SMYD1: variants seen among roughly 807,000 people sequenced by gnomAD.
SMYD1 encodes histone-lysine N-methyltransferase SMYD1.
Under a neutral mutation model 54.0 loss-of-function variants are expected in SMYD1, and 49 were observed. That is an observed-to-expected ratio of 0.91 (90% CI 0.72 to 1.15). The LOEUF (loss-of-function observed/expected upper bound fraction) is 1.15. Among genes scored for constraint, SMYD1 ranks in the 50% most tolerant of loss-of-function variants. The pLI, the probability that SMYD1 is intolerant of heterozygous loss-of-function variation, is 0.00. For missense variants in SMYD1, 653 were observed against 639.6 expected (o/e 1.02, Z -0.23); for synonymous variants, 269 against 234.2 (o/e 1.15, Z -1.36).
chr2:88,091,665 A>G (rs1463436080), intron 4 of SMYD1, among the ~76,000 whole-genome samples: 1 of 152,198 alleles, frequency 6.6e-6, no homozygotes, highest in Non-Finnish European at 1.5e-5. Flanking sequence ...TGGACAACAC[A>G]GTGATACCCC....
At chr2:88,100,220 A>G (rs995857619) in intron 6 of SMYD1, among the ~76,000 whole-genome samples, 4 of 152,154 alleles carry the variant, frequency 2.6e-5, no homozygotes, top group Admixed American at 1.3e-4. Flanking sequence ...TTCTCAGAGT[A>G]GATTTATCAC....
At chr2:88,109,590 C>G (rs1674963370) in intron 9 of SMYD1, among the ~76,000 whole-genome samples, 1 of 152,136 alleles carries the variant, frequency 6.6e-6, no homozygotes, top group Admixed American at 6.5e-5. Flanking sequence ...TCAGACAGTA[C>G]AGTCTAGGGA....
rs75318533 is a variant in SMYD1, at chr2:88,108,320, A to G, written c.1146-51A>G. On this transcript the variant is annotated intron_variant, in intron 8 of 9. Coordinates refer to ENST00000419482, the MANE Select transcript of SMYD1 (RefSeq NM_198274.4). ...CTTTATACATTATTAAATTAAGTGC[A>G]GATATAAGGGTGATTGGTATGATGT... 6,187 of 1,453,690 alleles carry G rather than the reference A, an allele frequency of 4.3e-3. 39 individuals are homozygous for G. The highest frequency in any genetic ancestry group is 0.022 in the African/African-American group (1,533 of 69,164). The allele number at this position is 1,453,690 out of a possible 1,614,324, so 90.0% of individuals were successfully genotyped here. A position where few individuals can be genotyped will look rare whatever the true frequency, so the allele number is the denominator to read the frequency against.
At chr2:88,087,293 C>A (rs898434569) in intron 2 of SMYD1, among the ~76,000 whole-genome samples, 2 of 152,086 alleles carry the variant, frequency 1.3e-5, no homozygotes, top group African/African-American at 2.4e-5. Context: ...TGATGCAGGG[C>A]TCATCCCAGT....
rs1573122477 is a variant in SMYD1 at position 88,106,272 on chromosome 2, T to C, written c.982-53T>C. The stretch of plus-strand genomic sequence containing the variant: ...CACCATGATGGTCGCGTATGTGAAT[T>C]AAACGTGTGCTCTGGTGCAATGGTA... On this transcript the variant is annotated intron_variant, in intron 7 of 9. Transcript: ENST00000419482. The C allele has an allele frequency of 5.5e-5, 88 of 1,597,188 alleles. 3 individuals are homozygous for C. The South Asian group carries it at 9.5e-4, about 17-fold the overall frequency.
Position 88,106,309 on chromosome 2 carries a change from C to A in SMYD1, c.982-16C>A. Reference sequence around the variant, plus strand: ...CTGGTGCAATGGTAATGGGCAGGGCCTCTGTCTCACTCTAGGTTGTGAAAT... The same window carrying A: ...CTGGTGCAATGGTAATGGGCAGGGCATCTGTCTCACTCTAGGTTGTGAAAT... On this transcript the variant is annotated splice_polypyrimidine_tract_variant and intron_variant, in intron 7 of 9. Transcript: ENST00000419482. 1 of 1,613,430 alleles carries A rather than the reference C, an allele frequency of 6.2e-7. No individual in the cohort carries two copies. Among genetic ancestry groups the A allele is most frequent in the Non-Finnish European group, 8.5e-7 (1 of 1,179,562 alleles).
rs1453822460 is a variant in SMYD1, at chr2:88,103,060, C to T, written c.891C>T (p.Pro297=). 3.1e-6 allele frequency: 5 copies of T among 1,613,928 alleles called. No individual in the cohort carries two copies. Among genetic ancestry groups the T allele is most frequent in the Non-Finnish European group, 4.2e-6 (5 of 1,179,876 alleles). Reference sequence around the variant, plus strand: ...CTCAATGTGTCTCTCTTTCCCAGCCCTCTCAGGAAGTGGTGAAGGAGATGA... The same window carrying T: ...CTCAATGTGTCTCTCTTTCCCAGCCTTCTCAGGAAGTGGTGAAGGAGATGA... ...LFLGVKDNPK[P]SQEVVKEMIQ... Residue 297 remains proline (P), a splice_region_variant and synonymous_variant, in exon 7 of 10, where the codon CCC becomes CCT. Transcript: ENST00000419482.
intron 5 of SMYD1, among the ~76,000 whole-genome samples, chr2:88,095,204 C>T (rs1299995984): frequency 1.3e-5 from 2 of 152,174 alleles, no homozygotes; most frequent in African/African-American, 2.4e-5. Context: ...ACCCGGCCTT[C>T]CTCTCCTACT....
intron 9 of SMYD1, 52 bp from the exon 10 acceptor site, chr2:88,110,302 G>T: frequency 6.5e-7 from 1 of 1,543,740 alleles, no homozygotes; most frequent in Admixed American, 1.9e-5. Context: ...TCAGAGACCA[G>T]CATGTCCTAG....
At chr2:88,089,585 G>C (rs11903173) in intron 3 of SMYD1, among the ~76,000 whole-genome samples, 36,486 of 106,720 alleles carry the variant, frequency 0.34, 7,271 homozygotes, top group Non-Finnish European at 0.42. Context: ...GCTTCTACCT[G>C]TTTTTTTTTT....
intron 6 of SMYD1, among the ~76,000 whole-genome samples, chr2:88,099,472 C>A (rs1674672032): frequency 6.6e-6 from 1 of 152,080 alleles, no homozygotes; most frequent in Non-Finnish European, 1.5e-5. Context: ...CGCCTGTAAT[C>A]CCAGAATTTC....
rs1675018068 is a variant in SMYD1, at chr2:88,111,337, C to T, written c.*825C>T. The T allele has an allele frequency of 6.6e-6, 1 of 152,232 alleles. No individual in the cohort carries two copies. The highest frequency in any genetic ancestry group is 1.5e-5 in the Non-Finnish European group (1 of 68,042). The allele number at this position is 152,232 out of a possible 1,614,324, so 9.4% of individuals were successfully genotyped here. ...GGTTCCCTGTGATTTTAGATAATGT[C>T]TGATATTTTTCTGGCTATTTGCCTA... On this transcript the variant is annotated 3_prime_UTR_variant, in exon 10 of 10. Transcript: ENST00000419482.
intron 2 of SMYD1, among the ~76,000 whole-genome samples, chr2:88,087,280 T>C (rs1674351211): frequency 6.6e-6 from 1 of 151,996 alleles, no homozygotes; most frequent in Non-Finnish European, 1.5e-5. Flanking sequence ...GTCATTAGAC[T>C]CCTGATGCAG....
chr2:88,096,936 C>A, intron 6 of SMYD1, 152 bp downstream of exon 6: 1 of 746,372 alleles, frequency 1.3e-6, no homozygotes, highest in Non-Finnish European at 2.1e-6. Context: ...GAGCAGAGCA[C>A]CGCAGGTAGG....
intron 4 of SMYD1, among the ~76,000 whole-genome samples, chr2:88,093,242 G>A (rs1455540337): frequency 1.3e-5 from 2 of 152,208 alleles, no homozygotes; most frequent in Admixed American, 6.5e-5. Context: ...CTCATTACAG[G>A]TGAGAACACT....
At chr2:88,103,897 C>A (rs564515544) in intron 7 of SMYD1, among the ~76,000 whole-genome samples, 2 of 152,116 alleles carry the variant, frequency 1.3e-5, no homozygotes, top group African/African-American at 4.8e-5. Context: ...GCTCGCTAAG[C>A]AACTCGAATG....
chr2:88,088,866 G>C (rs1479636380), intron 3 of SMYD1, among the ~76,000 whole-genome samples: 1 of 152,158 alleles, frequency 6.6e-6, no homozygotes, highest in Admixed American at 6.5e-5. Context: ...TCCGGGAAGT[G>C]GGGGCGAGAA....
chr2:88,105,799 G>A lies in SMYD1; in HGVS notation c.982-526G>A, dbSNP rs140638285. On this transcript the variant is annotated intron_variant, in intron 7 of 9. Coordinates refer to ENST00000419482, the MANE Select transcript of SMYD1 (RefSeq NM_198274.4). The stretch of plus-strand genomic sequence containing the variant: ...CTAAAAATACAAAAATTATTTGGGC[G>A]TGGTGGTGTGCACCTGTAATCCCAG... 4.0e-3 allele frequency among the ~76,000 whole-genome samples: 608 copies of A among 152,186 alleles called. 18 individuals are homozygous for A. In the East Asian group the frequency reaches 0.064, roughly 16 times the overall value.
chr2:88,100,077 G>C (rs1420890901), intron 6 of SMYD1, among the ~76,000 whole-genome samples: 1 of 145,020 alleles, frequency 6.9e-6, no homozygotes, highest in African/African-American at 2.6e-5. Context: ...CTTCCTCCTT[G>C]TTTTCTGTAG....
Sources: gnomAD v4.1 joint callset for allele counts (sites outside exome capture counted in the v4.1 genomes callset) on GRCh38, gnomAD v4.1.1 for gene constraint, MANE v1.5 for transcripts, NCBI Gene and HGNC (gene_info 2026-07-23, HGNC 2026-07-21) for gene names.